The following ATP10B variants were observed in gnomAD, a reference collection of about 807,000 sequenced individuals.
ATP10B encodes phospholipid-transporting ATPase VB.
In ATP10B, 122 loss-of-function variants were observed where a neutral mutation model predicts 141.2. That is an observed-to-expected ratio of 0.86 (90% CI 0.75 to 1.00). The LOEUF is 1.00. Ranked by LOEUF, ATP10B falls within the 50% of genes least tolerant of loss-of-function variation. The pLI is 0.00. For synonymous variants in ATP10B, 685 were observed against 692.0 expected (o/e 0.99, Z 0.16); for missense variants, 1,876 against 1,825.3 (o/e 1.03, Z -0.51).
At chr5:160,830,522 A>G (rs1581618665) in intron 1 of ATP10B, among the ~76,000 whole-genome samples, 1 of 152,102 alleles carries the variant, frequency 6.6e-6, no homozygotes, top group Non-Finnish European at 1.5e-5. Context: ...TTGCTTTTTC[A>G]AGTGTGCTCC....
chr5:160,591,087 C>T lies in ATP10B; in HGVS notation c.3617G>A (p.Ser1206Asn). 1.2e-6 allele frequency: 2 copies of T among 1,614,012 alleles called. No homozygotes were observed. The highest frequency in any genetic ancestry group is 1.7e-6 in the Non-Finnish European group (2 of 1,179,932). The change falls in exon 23 of 26, where the codon AGC becomes AAC. Residue 1206 changes from serine (S) to asparagine (N), a missense_variant. Transcript: ENST00000327245. ...WISMVDAFYQ[S>N]LICFFIPYLA... ...GTAAGGGATAAAGAAACAGATGAGG[C>T]TCTGGTAGAATGCATCCACCATAGA...
rs535665590 is a variant in ATP10B at position 160,848,536 on chromosome 5, G to A, written c.-576+3405C>T. ...CACTGACATAATTTTGCTAATCCAC[G>A]TGCCAACTGTATTTTAACTTTTTTG... On this transcript the variant is annotated intron_variant, in intron 1 of 25. Transcript: ENST00000327245. Among the ~76,000 whole-genome samples, 32 of 152,248 alleles carry A rather than the reference G, an allele frequency of 2.1e-4. No individual in the cohort carries two copies. In the South Asian group the frequency reaches 5.0e-3, roughly 24 times the overall value.
At chr5:160,833,506 C>T (rs973190129) in intron 1 of ATP10B, among the ~76,000 whole-genome samples, 2 of 152,082 alleles carry the variant, frequency 1.3e-5, no homozygotes, top group African/African-American at 4.8e-5. Flanking sequence ...TTATTTCATC[C>T]TGTTTGATTT....
chr5:160,698,582 G>A (rs1764506162), intron 3 of ATP10B, among the ~76,000 whole-genome samples: 1 of 152,126 alleles, frequency 6.6e-6, no homozygotes, highest in Non-Finnish European at 1.5e-5. Flanking sequence ...TGGACACATT[G>A]GTATTGTAAA....
intron 1 of ATP10B, among the ~76,000 whole-genome samples, chr5:160,814,542 C>T (rs1773445381): frequency 6.8e-6 from 1 of 146,706 alleles, no homozygotes; most frequent in Non-Finnish European, 1.5e-5. Flanking sequence ...GAGAACGGAC[C>T]CAAGTAGGAA....
the ATP10B span, among the ~76,000 whole-genome samples, chr5:160,862,356 G>A: frequency 6.6e-6 from 1 of 151,994 alleles, no homozygotes; most frequent in African/African-American, 2.4e-5. Flanking sequence ...AGCAGTGTTA[G>A]CTACTGCTGG....
the ATP10B span, among the ~76,000 whole-genome samples, chr5:160,865,205 G>A: frequency 6.6e-6 from 1 of 152,018 alleles, no homozygotes; most frequent in Admixed American, 6.6e-5. Context: ...AAAACAACAT[G>A]GTGCTGGTAA....
intron 22 of ATP10B, among the ~76,000 whole-genome samples, chr5:160,597,172 G>T (rs943389469): frequency 1.3e-5 from 2 of 152,166 alleles, no homozygotes; most frequent in Non-Finnish European, 2.9e-5. Context: ...AACCAAAACA[G>T]CATGGTACTG....
At chr5:160,843,774 A>G (rs1425216592) in intron 1 of ATP10B, among the ~76,000 whole-genome samples, 2 of 152,192 alleles carry the variant, frequency 1.3e-5, no homozygotes, top group South Asian at 2.1e-4. Context: ...AATGTCCAGC[A>G]AAAGGACATA....
At chr5:160,882,115 A>G in the ATP10B span, among the ~76,000 whole-genome samples, 2 of 152,222 alleles carry the variant, frequency 1.3e-5, no homozygotes, top group Non-Finnish European at 2.9e-5. Context: ...GCAAGGAATG[A>G]ACAGGTAGGC....
chr5:160,908,992 C>G, the ATP10B span, among the ~76,000 whole-genome samples: 1 of 152,056 alleles, frequency 6.6e-6, no homozygotes, highest in East Asian at 1.9e-4. Flanking sequence ...AAATATTAAT[C>G]AAATATCTAC....
chr5:160,632,046 A>G (rs1169378527), intron 13 of ATP10B, 83 bp downstream of exon 13: 1 of 1,321,188 alleles, frequency 7.6e-7, no homozygotes, highest in Non-Finnish European at 1.0e-6. Flanking sequence ...GGTTTGTACA[A>G]TTTTTTCTTT....
chr5:160,634,209 G>T, intron 12 of ATP10B, 145 bp downstream of exon 12: 1 of 1,092,262 alleles, frequency 9.2e-7, no homozygotes, highest in Non-Finnish European at 1.4e-6. Flanking sequence ...TGACAAGGAA[G>T]ACCACAGGGA....
At chr5:160,795,421 A>G (rs554393004) in intron 1 of ATP10B, among the ~76,000 whole-genome samples, 30 of 152,136 alleles carry the variant, frequency 2.0e-4, no homozygotes, top group Admixed American at 1.7e-3. Flanking sequence ...TCTCTGTCCT[A>G]AGGTTTCTGT....
chr5:160,882,791 G>C, the ATP10B span, among the ~76,000 whole-genome samples: 2 of 152,126 alleles, frequency 1.3e-5, no homozygotes, highest in Non-Finnish European at 2.9e-5. Context: ...TATGGCTATG[G>C]AGGAGATAAA....
intron 21 of ATP10B, among the ~76,000 whole-genome samples, chr5:160,601,649 A>G (rs557179645): frequency 3.9e-5 from 6 of 152,196 alleles, no homozygotes; most frequent in Non-Finnish European, 7.3e-5. Flanking sequence ...TTATAGGGCT[A>G]TATGTTTTTC....
chr5:160,616,466 ACTTGGC>A (rs1158225999), intron 16 of ATP10B, among the ~76,000 whole-genome samples: 2 of 152,182 alleles, frequency 1.3e-5, no homozygotes, highest in Non-Finnish European at 2.9e-5. Flanking sequence ...ACGGCAATGA[ACTTGGC>A]CTTCCTTCTG....
chr5:160,667,761 T>G (rs576363946), intron 7 of ATP10B, among the ~76,000 whole-genome samples: 1 of 152,268 alleles, frequency 6.6e-6, no homozygotes, highest in African/African-American at 2.4e-5. Context: ...GACTAATTAA[T>G]ATGCAAAACA....
At chr5:160,682,379 G>A (rs1311079316) in intron 6 of ATP10B, among the ~76,000 whole-genome samples, 1 of 152,102 alleles carries the variant, frequency 6.6e-6, no homozygotes, top group Non-Finnish European at 1.5e-5. Context: ...AAAACTCCAT[G>A]CTCCTCCCTG....
Sources: gnomAD v4.1 joint callset for allele counts (sites outside exome capture counted in the v4.1 genomes callset) on GRCh38, gnomAD v4.1.1 for gene constraint, MANE v1.5 for transcripts, NCBI Gene and HGNC (gene_info 2026-07-23, HGNC 2026-07-21) for gene names.